The following DMD variants were observed in gnomAD, a reference collection of about 807,000 sequenced individuals.
DMD encodes mutant dystrophin.
A neutral mutation model predicts 330.1 loss-of-function variants in DMD; 63 were observed. The ratio of observed to expected loss-of-function variants is 0.19; its 90% CI spans 0.16 to 0.24. The LOEUF is 0.24. Ranked by LOEUF, DMD falls within the 10% of genes least tolerant of loss-of-function variation. The pLI is 1.00. For missense variants in DMD, 3,344 were observed against 2,684.1 expected (o/e 1.25, Z -5.43); for synonymous variants, 1,223 against 959.8 (o/e 1.27, Z -5.07).
At chrX:32,510,554 C>T (rs1297920714) in intron 18 of DMD, among the ~76,000 whole-genome samples, 1 of 111,738 alleles carries the variant, frequency 8.9e-6, no homozygotes, top group Non-Finnish European at 1.9e-5. Flanking sequence ...TCTACTCTAT[C>T]CCAAGTCTCC....
At chrX:31,701,145 T>G in intron 52 of DMD, among the ~76,000 whole-genome samples, 1 of 112,302 alleles carries the variant, frequency 8.9e-6, no homozygotes, top group Non-Finnish European at 1.9e-5. Context: ...TTGATGCATT[T>G]GTTGGAATAT....
At chrX:32,140,313 G>A (rs142957400) in intron 44 of DMD, among the ~76,000 whole-genome samples, 1 of 111,402 alleles carries the variant, frequency 9.0e-6, no homozygotes, top group Non-Finnish European at 1.9e-5. Context: ...ATTTTTAAAT[G>A]GTCTAGCCAC....
intron 26 of DMD, among the ~76,000 whole-genome samples, chrX:32,452,363 G>C (rs1022066336): frequency 6.5e-5 from 1 of 15,268 alleles, no homozygotes; most frequent in Non-Finnish European, 1.3e-4. Context: ...GAAAGGGAAA[G>C]GGAAAGGGAA....
chrX:32,158,726 T>TGTCCTCAGGAAGCTTTCA (rs1198369908), intron 44 of DMD, among the ~76,000 whole-genome samples: 1 of 111,911 alleles, frequency 8.9e-6, no homozygotes, highest in Non-Finnish European at 1.9e-5. Flanking sequence ...GACATTGCCC[T>TGTCCTCAGGAAGCTTTCA]GTCCTCAGGA....
At chrX:32,828,599 A>C (rs967162523) in intron 4 of DMD, among the ~76,000 whole-genome samples, 3 of 109,970 alleles carry the variant, frequency 2.7e-5, no homozygotes, top group African/African-American at 9.9e-5. Context: ...CTATACACAT[A>C]TATACATATG....
At chrX:32,904,268 C>A (rs778343742) in intron 2 of DMD, among the ~76,000 whole-genome samples, 1 of 111,749 alleles carries the variant, frequency 8.9e-6, no homozygotes, top group East Asian at 2.8e-4. Context: ...GTAATGCACC[C>A]ATTTAACCAG....
chrX:31,725,227 G>A lies in DMD; in HGVS notation c.7660+4404C>T, dbSNP rs889082543. Among the ~76,000 whole-genome samples, 78 of 103,866 alleles carry A rather than the reference G, an allele frequency of 7.5e-4. 1 individual carries two copies. Among genetic ancestry groups the A allele is most frequent in the African/African-American group, 2.5e-3 (67 of 27,062 alleles). 90.2% of individuals were successfully genotyped at this position (103,866 alleles called of 115,157 possible). A position where few individuals can be genotyped will look rare whatever the true frequency, so the allele number is the denominator to read the frequency against. ...TCGGTTTTCTGTCTCTAAAATGGGA[G>A]TAGTAATTTTATCTACCTATTAAAT... On this transcript the variant is annotated intron_variant, in intron 52 of 78. Coordinates refer to ENST00000357033, the MANE Select transcript of DMD (RefSeq NM_004006.3).
rs1313865469 is a variant in DMD at position 32,339,774 on chromosome X, C to A, written c.5922+2326G>T. On this transcript the variant is annotated intron_variant, in intron 41 of 78. Transcript: ENST00000357033. Reference sequence around the variant, plus strand: ...TTAAGAGTACCGCTTACTATTTCAACATGTTGCTGTAAAGACATGAAAGAT... The same window carrying A: ...TTAAGAGTACCGCTTACTATTTCAAAATGTTGCTGTAAAGACATGAAAGAT... 4.5e-5 allele frequency among the ~76,000 whole-genome samples: 5 copies of A among 112,043 alleles called. No homozygotes were observed. The Admixed American group carries it at 4.8e-4, about 11-fold the overall frequency.
chrX:31,804,245 C>A (rs1485012524), intron 50 of DMD, among the ~76,000 whole-genome samples: 1 of 111,554 alleles, frequency 9.0e-6, no homozygotes, highest in Non-Finnish European at 1.9e-5. Context: ...CTACCACGGT[C>A]TACTCGGTTT....
intron 77 of DMD, among the ~76,000 whole-genome samples, chrX:31,132,151 C>A (rs969884119): frequency 5.4e-5 from 6 of 112,047 alleles, no homozygotes; most frequent in Admixed American, 1.9e-4. Context: ...GAAATTCTTC[C>A]GTAAGCACTA....
chrX:32,703,029 T>C (rs948950269), intron 7 of DMD, among the ~76,000 whole-genome samples: 10 of 111,291 alleles, frequency 9.0e-5, no homozygotes, highest in Non-Finnish European at 1.9e-4. Flanking sequence ...TTATCATGCT[T>C]CCCCCAGCCA....
chrX:32,732,623 A>C (rs754551626), intron 7 of DMD, among the ~76,000 whole-genome samples: 1,821 of 111,355 alleles, frequency 0.016, 43 homozygotes, highest in African/African-American at 0.056. Flanking sequence ...TTCTTAAAGA[A>C]AAGAATTTTC....
Position 32,514,712 on chromosome X carries a change from G to T in DMD, c.2292+3296C>A, listed in dbSNP as rs1288588788. Among the ~76,000 whole-genome samples the T allele has an allele frequency of 1.8e-5, 2 of 112,604 alleles. 1 individual carries two copies. Among genetic ancestry groups the T allele is most frequent in the African/African-American group, 6.5e-5 (2 of 30,997 alleles). ...GCCGAGATCGCGCCACTGCACTCCCGCCTGGGACAGAGCGAGACTCCGTCT... is the reference window on the plus strand; with the variant it reads ...GCCGAGATCGCGCCACTGCACTCCCTCCTGGGACAGAGCGAGACTCCGTCT... On this transcript the variant is annotated intron_variant, in intron 18 of 78. Transcript: ENST00000357033.
chrX:32,754,267 T>C (rs5972660), intron 7 of DMD, among the ~76,000 whole-genome samples: 11,510 of 110,642 alleles, frequency 0.1, 635 homozygotes, highest in Admixed American at 0.2. Flanking sequence ...ATTTTACAGA[T>C]GAGGAAACTG....
chrX:32,302,821 T>G (rs955793960), intron 42 of DMD, among the ~76,000 whole-genome samples: 10 of 111,120 alleles, frequency 9.0e-5, no homozygotes, highest in Admixed American at 3.8e-4. Context: ...AGAGTACAGT[T>G]GAGTAGGCAG....
In DMD at chrX:31,570,739, C is replaced by T. The variant is rs144095348; in HGVS notation, c.8217+56934G>A. ...TGACAAAGATTCCTTTTGGTAGGTTCTGGCACTCAAGACTAATAGGTTTTT... is the reference window on the plus strand; with the variant it reads ...TGACAAAGATTCCTTTTGGTAGGTTTTGGCACTCAAGACTAATAGGTTTTT... On this transcript the variant is annotated intron_variant, in intron 55 of 78. Coordinates refer to ENST00000357033, the MANE Select transcript of DMD (RefSeq NM_004006.3). 5.3e-3 allele frequency among the ~76,000 whole-genome samples: 590 copies of T among 111,066 alleles called. 3 individuals are homozygous for T. The highest frequency in any genetic ancestry group is 0.028 in the Middle Eastern group (6 of 216).
intron 41 of DMD, among the ~76,000 whole-genome samples, chrX:32,336,207 A>C (rs1048958711): frequency 9.1e-6 from 1 of 110,480 alleles, no homozygotes; most frequent in Non-Finnish European, 1.9e-5. Context: ...TATATACATG[A>C]CATGTTATAT....
intron 9 of DMD, among the ~76,000 whole-genome samples, chrX:32,696,434 C>T (rs990545195): frequency 1.8e-5 from 2 of 111,713 alleles, no homozygotes; most frequent in Non-Finnish European, 3.8e-5. Flanking sequence ...ATTTGAATGG[C>T]TTATTTTAAA....
At chrX:33,124,497 A>C (rs1430741279) in intron 1 of DMD, among the ~76,000 whole-genome samples, 3 of 105,619 alleles carry the variant, frequency 2.8e-5, no homozygotes, top group African/African-American at 7.0e-5. Flanking sequence ...AAAAAAAAAA[A>C]AAAAAAAAAA....
Sources: gnomAD v4.1 joint callset for allele counts (sites outside exome capture counted in the v4.1 genomes callset) on GRCh38, gnomAD v4.1.1 for gene constraint, MANE v1.5 for transcripts, NCBI Gene and HGNC (gene_info 2026-07-23, HGNC 2026-07-21) for gene names.